SRGAP2: variants seen among roughly 807,000 people sequenced by gnomAD.
SRGAP2 encodes the protein SLIT-ROBO Rho GTPase-activating protein 2.
Under a neutral mutation model 57.2 loss-of-function variants are expected in SRGAP2, and 15 were observed. The observed-to-expected ratio is 0.26, with a 90% CI of 0.18 to 0.40. The LOEUF is 0.40. Among genes scored for constraint, SRGAP2 ranks in the 10% least tolerant of loss-of-function variants. SRGAP2 has a pLI of 1.00. For missense variants in SRGAP2, 520 were observed against 669.6 expected (o/e 0.78, Z 2.47); for synonymous variants, 249 against 248.0 (o/e 1.00, Z -0.04).
intron 2 of SRGAP2, among the ~76,000 whole-genome samples, chr1:206,249,093 T>C (rs1355698913): frequency 1.7e-4 from 26 of 151,836 alleles, no homozygotes; most frequent in African/African-American, 6.1e-4. Context: ...ACTGGGCTCA[T>C]GGTGTTTCCT....
intron 16 of SRGAP2, among the ~76,000 whole-genome samples, chr1:206,439,606 A>G (rs1662084932): frequency 6.6e-6 from 1 of 152,134 alleles, no homozygotes. Flanking sequence ...TTCTAACCCC[A>G]TTTCCTGTGC....
chr1:206,375,434 G>A (rs1553344176), intron 4 of SRGAP2, among the ~76,000 whole-genome samples: 4 of 152,046 alleles, frequency 2.6e-5, no homozygotes, highest in East Asian at 1.9e-4. Flanking sequence ...AAGACATTAC[G>A]CCCCCACTCA....
At chr1:206,263,017 A>T (rs576694948) in intron 2 of SRGAP2, among the ~76,000 whole-genome samples, 1 of 147,936 alleles carries the variant, frequency 6.8e-6, no homozygotes, top group African/African-American at 2.5e-5. Flanking sequence ...CTTGTTCCTA[A>T]GGTAAATGAC....
chr1:206,336,138 C>T (rs1288873017), intron 3 of SRGAP2, among the ~76,000 whole-genome samples: 2 of 107,880 alleles, frequency 1.9e-5, no homozygotes, highest in South Asian at 8.1e-4. Context: ...CCACAAGAAT[C>T]TTATTTTCAT....
Position 206,453,120 on chromosome 1 carries a change from G to T in SRGAP2, c.2180-80G>T, listed in dbSNP as rs569477038. 274 of 458,610 alleles carry T rather than the reference G, an allele frequency of 6.0e-4. 2 individuals are homozygous for T. In the South Asian group the frequency reaches 9.5e-3, roughly 16 times the overall value. The allele number at this position is 458,610 out of a possible 1,614,324, so 28.4% of individuals were successfully genotyped here. On this transcript the variant is annotated intron_variant, in intron 19 of 22. Coordinates refer to ENST00000573034, the MANE Select transcript of SRGAP2 (RefSeq NM_015326.5). ...GTAATTTCCTACCACTGTAAGTTCAGCTAATTCAGCTTTTCCACCCAGTTT... is the reference window on the plus strand; with the variant it reads ...GTAATTTCCTACCACTGTAAGTTCATCTAATTCAGCTTTTCCACCCAGTTT...
intron 5 of SRGAP2, among the ~76,000 whole-genome samples, chr1:206,387,125 CAA>C (rs782327960): frequency 0.073 from 6,067 of 83,074 alleles, 152 homozygotes; most frequent in African/African-American, 0.19. Context: ...GACTCTGTCT[CAA>C]AAAAAAAAAA....
chr1:206,252,280 T>A (rs1217430507), intron 2 of SRGAP2, among the ~76,000 whole-genome samples: 1 of 150,680 alleles, frequency 6.6e-6, no homozygotes, highest in Non-Finnish European at 1.5e-5. Context: ...CTCTCTCTTT[T>A]TTTTTTCCCC....
chr1:206,433,635 CAAAA>C (rs71568100), intron 14 of SRGAP2, among the ~76,000 whole-genome samples: 1 of 113,938 alleles, frequency 8.8e-6, no homozygotes, highest in Non-Finnish European at 1.9e-5. Flanking sequence ...GACCCTGTCT[CAAAA>C]AAAAAAAAAA....
chr1:206,277,105 C>T (rs1196083758), intron 2 of SRGAP2, among the ~76,000 whole-genome samples: 1 of 151,832 alleles, frequency 6.6e-6, no homozygotes, highest in Non-Finnish European at 1.5e-5. Flanking sequence ...GCTGGGATTA[C>T]AGGCATGTGC....
chr1:206,305,486 A>G (rs1405466088), intron 3 of SRGAP2, among the ~76,000 whole-genome samples: 17 of 152,204 alleles, frequency 1.1e-4, no homozygotes, highest in African/African-American at 4.1e-4. Context: ...TGATTCTCCC[A>G]GAAGGAAGAA....
chr1:206,436,820 CAT>C, intron 14 of SRGAP2, 143 bp from the exon 15 acceptor site: 1 of 650,236 alleles, frequency 1.5e-6, no homozygotes, highest in African/African-American at 1.8e-5. Flanking sequence ...CATCCTTGCA[CAT>C]GTTTTTCTCC....
At chr1:206,345,622 TCTC>T (rs1675560698) in intron 4 of SRGAP2, among the ~76,000 whole-genome samples, 1 of 143,522 alleles carries the variant, frequency 7.0e-6, no homozygotes, top group Non-Finnish European at 1.5e-5. Flanking sequence ...CAAGACCTTG[TCTC>T]TAAAAAAATT....
chr1:206,410,784 C>T (rs1194646450), intron 10 of SRGAP2, among the ~76,000 whole-genome samples: 2 of 152,136 alleles, frequency 1.3e-5, no homozygotes, highest in Admixed American at 1.3e-4. Context: ...TTAACAAATT[C>T]CCTCCTCATA....
At chr1:206,249,844 CCCCCTCCTCCTTCA>C (rs1378848315) in intron 2 of SRGAP2, among the ~76,000 whole-genome samples, 1 of 148,710 alleles carries the variant, frequency 6.7e-6, no homozygotes, top group African/African-American at 2.5e-5. Context: ...ATGTCTGACT[CCCCCTCCTCCTTCA>C]CTAAAACGTA....
chr1:206,446,563 T>C (rs1383348917), intron 18 of SRGAP2, among the ~76,000 whole-genome samples: 1 of 152,248 alleles, frequency 6.6e-6, no homozygotes, highest in African/African-American at 2.4e-5. Context: ...TTAATTGTGA[T>C]ACTAATCTCT....
chr1:206,333,378 C>T (rs1404250744), intron 3 of SRGAP2: 2 of 1,408,428 alleles, frequency 1.4e-6, no homozygotes, highest in Non-Finnish European at 2.0e-6. Flanking sequence ...TCTAAACTAT[C>T]CTCAGTCTTG....
chr1:206,281,829 A>G (rs1430986809), intron 2 of SRGAP2, among the ~76,000 whole-genome samples: 3 of 130,234 alleles, frequency 2.3e-5, no homozygotes, highest in Admixed American at 7.5e-5. Context: ...AACAAAAAAA[A>G]CTTGAACCCG....
chr1:206,352,840 G>A (rs1175807724), intron 4 of SRGAP2, among the ~76,000 whole-genome samples: 1 of 151,914 alleles, frequency 6.6e-6, no homozygotes, highest in African/African-American at 2.4e-5. Flanking sequence ...GTTTTAAAGA[G>A]ATGGAGTCTC....
intron 18 of SRGAP2, among the ~76,000 whole-genome samples, chr1:206,446,752 G>C (rs1268632733): frequency 3.3e-5 from 5 of 152,184 alleles, no homozygotes; most frequent in African/African-American, 1.2e-4. Flanking sequence ...GAGTTTGTAA[G>C]CTGGCACTTC....
Sources: gnomAD v4.1 joint callset for allele counts (sites outside exome capture counted in the v4.1 genomes callset) on GRCh38, gnomAD v4.1.1 for gene constraint, MANE v1.5 for transcripts, NCBI Gene and HGNC (gene_info 2026-07-23, HGNC 2026-07-21) for gene names.